Variants in DENND4A observed in about 807,000 individuals in gnomAD.
DENND4A encodes the protein DENN domain containing 4A.
In DENND4A, 70 loss-of-function variants were observed where a neutral mutation model predicts 199.3. The observed-to-expected ratio is 0.35, with a 90% confidence interval of 0.29 to 0.43. The LOEUF (loss-of-function observed/expected upper bound fraction) is 0.43. Among genes scored for constraint, DENND4A ranks in the 20% least tolerant of loss-of-function variants. The probability of loss-of-function intolerance (pLI) is 1.00; values close to 1 mark genes in which losing one functional copy is unlikely to be tolerated. For missense variants in DENND4A, 1,723 were observed against 2,255.8 expected (o/e 0.76, Z 4.78); for synonymous variants, 686 against 766.9 (o/e 0.89, Z 1.74).
intron 1 of DENND4A, among the ~76,000 whole-genome samples, chr15:65,781,482 T>G (rs536042031): frequency 6.9e-4 from 105 of 152,200 alleles, no homozygotes; most frequent in Non-Finnish European, 1.3e-3. Context: ...GCTGGGGAAG[T>G]GACTGATTCA....
chr15:65,692,190 TA>T (rs2076997095), intron 22 of DENND4A, among the ~76,000 whole-genome samples: 2 of 152,146 alleles, frequency 1.3e-5, no homozygotes, highest in Admixed American at 1.3e-4. Context: ...ACTTTATCCA[TA>T]AATAAAGGTT....
chr15:65,715,674 T>A, intron 13 of DENND4A, 51 bp from the exon 14 acceptor site: 3 of 1,472,568 alleles, frequency 2.0e-6, no homozygotes, highest in Non-Finnish European at 2.7e-6. Context: ...ATTCATAGAT[T>A]CACAGAATAT....
At chr15:65,714,166 C>A (rs921310106) in intron 14 of DENND4A, among the ~76,000 whole-genome samples, 1 of 152,040 alleles carries the variant, frequency 6.6e-6, no homozygotes, top group Admixed American at 6.6e-5. Context: ...AATCCCAGCA[C>A]TTTGGGAGGC....
chr15:65,692,778 G>A (rs2077016447), intron 22 of DENND4A, among the ~76,000 whole-genome samples: 1 of 152,114 alleles, frequency 6.6e-6, no homozygotes, highest in African/African-American at 2.4e-5. Context: ...TAAAGACCTG[G>A]AGGAATCTTG....
intron 1 of DENND4A, among the ~76,000 whole-genome samples, chr15:65,769,820 T>C (rs2077084314): frequency 6.6e-6 from 1 of 152,212 alleles, no homozygotes; most frequent in Non-Finnish European, 1.5e-5. Context: ...ACCAAAGATA[T>C]GTTTATGTTC....
chr15:65,756,988 G>C (rs1469469020), intron 2 of DENND4A, among the ~76,000 whole-genome samples: 3 of 152,164 alleles, frequency 2.0e-5, no homozygotes, highest in Non-Finnish European at 4.4e-5. Flanking sequence ...AGTGAGCCGA[G>C]ATCGGACCAC....
At chr15:65,689,806 C>T (rs1315291404) in intron 23 of DENND4A, among the ~76,000 whole-genome samples, 1 of 152,068 alleles carries the variant, frequency 6.6e-6, no homozygotes, top group Non-Finnish European at 1.5e-5. Context: ...CCACAAGTTC[C>T]CAAAACTTCT....
intron 1 of DENND4A, among the ~76,000 whole-genome samples, chr15:65,780,214 T>C (rs1315731012): frequency 6.6e-6 from 1 of 152,202 alleles, no homozygotes; most frequent in Non-Finnish European, 1.5e-5. Context: ...TTCTGTGCTC[T>C]TGTTCAACCT....
intron 13 of DENND4A, 82 bp from the exon 14 acceptor site, chr15:65,715,705 A>C (rs1424216392): frequency 7.4e-7 from 1 of 1,359,024 alleles, no homozygotes; most frequent in Non-Finnish European, 9.9e-7. Context: ...AAGAATCTGA[A>C]CAACCATGTC....
At chr15:65,770,833 T>C (rs1426975132) in intron 1 of DENND4A, among the ~76,000 whole-genome samples, 1 of 152,212 alleles carries the variant, frequency 6.6e-6, no homozygotes, top group Non-Finnish European at 1.5e-5. Context: ...CACAAAGTGA[T>C]CATTCCATAA....
At chr15:65,728,602 G>T (rs927375675) in intron 11 of DENND4A, among the ~76,000 whole-genome samples, 1 of 151,782 alleles carries the variant, frequency 6.6e-6, no homozygotes, top group Admixed American at 6.6e-5. Flanking sequence ...TCCTGCTTCA[G>T]CCTCCCGAGT....
chr15:65,788,645 C>T (rs1279917147), intron 1 of DENND4A, among the ~76,000 whole-genome samples: 2 of 151,836 alleles, frequency 1.3e-5, no homozygotes, highest in Non-Finnish European at 2.9e-5. Flanking sequence ...ACTACTTGGG[C>T]TCACGAGTTC....
Position 65,691,531 on chromosome 15 carries a change from C to T in DENND4A, c.3083-20G>A, listed in dbSNP as rs2076970022. 6.5e-7 allele frequency: 1 copy of T among 1,529,482 alleles called. No homozygotes were observed. The highest frequency in any genetic ancestry group is 8.8e-7 in the Non-Finnish European group (1 of 1,142,816). The allele number at this position is 1,529,482 out of a possible 1,614,324, so 94.7% of individuals were successfully genotyped here. ...TGCTTTCTGAAAAACAAGTAAAGTG[C>T]TTTTAGCCATGAAAATATAATAGCA... On this transcript the variant is annotated intron_variant, in intron 22 of 32. Coordinates refer to ENST00000443035, the MANE Select transcript of DENND4A (RefSeq NM_001320835.1).
intron 7 of DENND4A, among the ~76,000 whole-genome samples, chr15:65,736,873 T>C (rs2076133674): frequency 6.6e-6 from 1 of 152,184 alleles, no homozygotes; most frequent in South Asian, 2.1e-4. Context: ...AACAATGCCA[T>C]TCTGCTCACT....
At chr15:65,707,929 G>A (rs28515978) in intron 14 of DENND4A, among the ~76,000 whole-genome samples, 30,122 of 151,874 alleles carry the variant, frequency 0.2, 4,021 homozygotes, top group East Asian at 0.74. Flanking sequence ...TAGGTGATCC[G>A]CCTGCCTTGG....
intron 27 of DENND4A, among the ~76,000 whole-genome samples, chr15:65,668,842 G>C (rs1177030876): frequency 6.6e-6 from 1 of 151,660 alleles, no homozygotes; most frequent in Non-Finnish European, 1.5e-5. Context: ...AAGAATCAGA[G>C]CTAGACATGG....
rs2141799142 is a variant in DENND4A at position 65,661,535 on chromosome 15, A to G, written c.*316T>C. On this transcript the variant is annotated 3_prime_UTR_variant, in exon 33 of 33. Coordinates refer to ENST00000443035, the MANE Select transcript of DENND4A (RefSeq NM_001320835.1). Reference sequence around the variant, plus strand: ...CATGATTTTTCAATCTGTCTCTTCCAAAAGAAACCATAAAGCAGTTGTCAT... The same window carrying G: ...CATGATTTTTCAATCTGTCTCTTCCGAAAGAAACCATAAAGCAGTTGTCAT... 5.2e-6 allele frequency: 1 copy of G among 191,180 alleles called. No homozygotes were observed. The highest frequency in any genetic ancestry group is 1.2e-4 in the East Asian group (1 of 8,138). The allele number at this position is 191,180 out of a possible 1,614,324, so 11.8% of individuals were successfully genotyped here. A position where few individuals can be genotyped will look rare whatever the true frequency, so the allele number is the denominator to read the frequency against.
chr15:65,679,131 G>A (rs957625282), intron 23 of DENND4A, among the ~76,000 whole-genome samples: 2 of 152,076 alleles, frequency 1.3e-5, no homozygotes, highest in African/African-American at 2.4e-5. Context: ...GTCTAGCTCT[G>A]TCACCCGGGC....
intron 1 of DENND4A, among the ~76,000 whole-genome samples, chr15:65,776,475 G>A (rs1336384131): frequency 6.6e-6 from 1 of 152,212 alleles, no homozygotes; most frequent in East Asian, 1.9e-4. Flanking sequence ...CCACTGAGCA[G>A]TAACTTTTTT....
Sources: allele counts gnomAD v4.1 joint callset (sites outside exome capture counted in the v4.1 genomes callset), GRCh38; gene constraint gnomAD v4.1.1; transcripts MANE v1.5; gene names NCBI Gene and HGNC (gene_info 2026-07-23, HGNC 2026-07-21).